FARP1: variants seen among roughly 807,000 people sequenced by gnomAD.
The protein encoded by FARP1 is FERM, ARH/RhoGEF and pleckstrin domain protein 1.
In FARP1, 52 loss-of-function variants were observed where a neutral mutation model predicts 128.8. The observed-to-expected ratio is 0.40, with a 90% CI of 0.32 to 0.51. The LOEUF (loss-of-function observed/expected upper bound fraction) is 0.51, where lower values mean the gene tolerates loss of function less well. Ranked by LOEUF, FARP1 falls within the 20% of genes least tolerant of loss-of-function variation. The probability of loss-of-function intolerance (pLI) is 0.45; values close to 1 mark genes in which losing one functional copy is unlikely to be tolerated. For synonymous variants in FARP1, 580 were observed against 551.8 expected, an observed-to-expected ratio of 1.05 and a Z score of -0.72; for missense variants, 1,333 against 1,367.9, an observed-to-expected ratio of 0.97 and a Z score of 0.40.
intron 2 of FARP1, among the ~76,000 whole-genome samples, chr13:98,239,917 G>T (rs1882665022): frequency 6.6e-6 from 1 of 152,156 alleles, no homozygotes; most frequent in Non-Finnish European, 1.5e-5. Context: ...AGGAGGAGGG[G>T]CCCAAAGACA....
intron 2 of FARP1, among the ~76,000 whole-genome samples, chr13:98,321,720 T>A (rs1327219995): frequency 6.6e-6 from 1 of 152,226 alleles, no homozygotes; most frequent in East Asian, 1.9e-4. Flanking sequence ...ACTTTTGTAT[T>A]TTAGCTACTT....
rs530298967 is a variant in FARP1 at position 98,251,111 on chromosome 13, ATG to A, written c.171+37704_171+37705del. 1.1e-3 allele frequency among the ~76,000 whole-genome samples: 170 copies of A among 152,368 alleles called. 5 individuals carry two copies. The South Asian group carries it at 0.033, about 30-fold the overall frequency. ...TCTAATATATGAATAAGGCACATAC[ATG>A]TGTGTACATTTGAATCATAAAGAAT... On this transcript the variant is annotated intron_variant, in intron 2 of 26. Transcript: ENST00000319562.
In FARP1 at chr13:98,409,489, C is replaced by A; in HGVS notation, c.1566C>A (p.Cys522Ter). The change falls in exon 14 of 27, where the codon TGC becomes TGA. Residue 522 changes from cysteine (C) to a stop codon, truncating the protein, a stop_gained. Transcript: ENST00000319562. LOFTEE classifies it high-confidence loss of function. The stretch of plus-strand genomic sequence containing the variant: ...GCCCGCTGCTGAATGACCAGGCCTG[C>A]CCCCGGACGGACGATGAGGATGAGG... ...LISPLLNDQACPRTDDEDEGR... is the reference protein window; with the variant it reads ...LISPLLNDQA 6.2e-7 allele frequency: 1 copy of A among 1,613,270 alleles called. No homozygotes were observed. Among genetic ancestry groups the A allele is most frequent in the Non-Finnish European group, 8.5e-7 (1 of 1,179,622 alleles).
chr13:98,270,537 G>A (rs1884341950), intron 2 of FARP1, among the ~76,000 whole-genome samples: 1 of 152,132 alleles, frequency 6.6e-6, no homozygotes, highest in African/African-American at 2.4e-5. Flanking sequence ...CTCATCCTGA[G>A]GACGCAGCTC....
intron 19 of FARP1, chr13:98,435,961 C>T (rs184005189): frequency 6.9e-4 from 362 of 522,584 alleles, no homozygotes; most frequent in African/African-American, 6.6e-3. Context: ...ACCTTTTCCC[C>T]TACCATATCC....
chr13:98,170,828 T>C (rs112398794), intron 1 of FARP1, among the ~76,000 whole-genome samples: 1 of 126,206 alleles, frequency 7.9e-6, no homozygotes, highest in African/African-American at 3.4e-5. Flanking sequence ...TCCTCTTCTT[T>C]GTTTTGGATG....
intron 2 of FARP1, among the ~76,000 whole-genome samples, chr13:98,297,131 C>T (rs1456700379): frequency 1.3e-5 from 2 of 152,192 alleles, no homozygotes; most frequent in Non-Finnish European, 2.9e-5. Context: ...TCTGGTTGCC[C>T]TCAGGGGAGA....
At chr13:98,232,145 G>GTTTTTTTTTTTTTTTTTTTTTTTTT (rs59209045) in intron 2 of FARP1, among the ~76,000 whole-genome samples, 2 of 105,786 alleles carry the variant, frequency 1.9e-5, no homozygotes, top group African/African-American at 3.8e-5. Context: ...TGTTTGGTTG[G>GTTTTTTTTTTTTTTTTTTTTTTTTT]TTTTTTTTTT....
intron 5 of FARP1, among the ~76,000 whole-genome samples, chr13:98,375,632 T>A (rs9554462): frequency 1.3e-5 from 2 of 151,922 alleles, no homozygotes; most frequent in African/African-American, 4.8e-5. Context: ...TTTTATTGTT[T>A]TTGTTTTTGT....
At chr13:98,423,215 A>G (rs1891655031) in intron 16 of FARP1, among the ~76,000 whole-genome samples, 1 of 152,152 alleles carries the variant, frequency 6.6e-6, no homozygotes, top group African/African-American at 2.4e-5. Flanking sequence ...ACTGACTCAA[A>G]TGCTAATCTC....
intron 1 of FARP1, among the ~76,000 whole-genome samples, chr13:98,170,005 T>C (rs930407227): frequency 1.3e-5 from 2 of 152,182 alleles, no homozygotes; most frequent in African/African-American, 4.8e-5. Flanking sequence ...ATGAGATCTC[T>C]TCAAATTAAT....
intron 2 of FARP1, among the ~76,000 whole-genome samples, chr13:98,238,614 A>G (rs1882585782): frequency 6.6e-6 from 1 of 152,084 alleles, no homozygotes; most frequent in South Asian, 2.1e-4. Context: ...TGTGCAGGGA[A>G]ACTCCCCTTT....
At chr13:98,164,361 AAGGACATTTTAGTTCTAGTCTGAAACT>A (rs1246260124) in intron 1 of FARP1, among the ~76,000 whole-genome samples, 2 of 152,198 alleles carry the variant, frequency 1.3e-5, no homozygotes, top group East Asian at 1.9e-4. Flanking sequence ...GAATGTGGGA[AAGGACATTTTAGTTCTAGTCTGAAACT>A]AGGACATTTT....
At chr13:98,292,026 G>A (rs1212345054) in intron 2 of FARP1, among the ~76,000 whole-genome samples, 1 of 152,176 alleles carries the variant, frequency 6.6e-6, no homozygotes, top group South Asian at 2.1e-4. Flanking sequence ...ATATTGAAAA[G>A]GCTTTTCCAA....
chr13:98,180,647 T>G (rs375246784), intron 1 of FARP1, among the ~76,000 whole-genome samples: 42 of 152,342 alleles, frequency 2.8e-4, no homozygotes, highest in African/African-American at 1.0e-3. Flanking sequence ...TCAGCTCACT[T>G]TATTTCTTCT....
At chr13:98,419,075 G>A (rs900897449) in intron 16 of FARP1, among the ~76,000 whole-genome samples, 10 of 152,160 alleles carry the variant, frequency 6.6e-5, no homozygotes, top group African/African-American at 1.9e-4. Flanking sequence ...GATGCCTCTC[G>A]CACAAATGTC....
chr13:98,396,451 CAGG>C, intron 13 of FARP1: 1 of 7,958 alleles, frequency 1.3e-4, no homozygotes, highest in Non-Finnish European at 2.3e-4. Flanking sequence ...GAGTGAGGAA[CAGG>C]AGGAGGATGA....
At chr13:98,365,661 A>G (rs191830988) in intron 4 of FARP1, among the ~76,000 whole-genome samples, 2 of 152,340 alleles carry the variant, frequency 1.3e-5, no homozygotes, top group East Asian at 3.9e-4. Flanking sequence ...AAAATAAAAT[A>G]TCATTTTGAT....
At chr13:98,156,976 T>C (rs1566675225) in intron 1 of FARP1, among the ~76,000 whole-genome samples, 1 of 152,118 alleles carries the variant, frequency 6.6e-6, no homozygotes, top group Non-Finnish European at 1.5e-5. Flanking sequence ...AAATAAGAAA[T>C]ACCTAATCTG....
Sources: allele counts gnomAD v4.1 joint callset (sites outside exome capture counted in the v4.1 genomes callset), GRCh38; gene constraint gnomAD v4.1.1; transcripts MANE v1.5; gene names NCBI Gene and HGNC (gene_info 2026-07-23, HGNC 2026-07-21).